Variants in TSNARE1 observed in about 807,000 individuals in gnomAD.
TSNARE1 encodes the protein t-SNARE domain-containing protein 1.
In TSNARE1, 49 loss-of-function variants were observed where a neutral mutation model predicts 62.0. The ratio of observed to expected loss-of-function variants is 0.79; its 90% confidence interval spans 0.63 to 1.00. TSNARE1 has a LOEUF of 1.00. Ranked by LOEUF, TSNARE1 falls within the 50% of genes least tolerant of loss-of-function variation. The pLI is 0.00. For missense variants in TSNARE1, 755 were observed against 700.1 expected (o/e 1.08, Z -0.88); for synonymous variants, 328 against 294.4 (o/e 1.11, Z -1.17).
intron 11 of TSNARE1, among the ~76,000 whole-genome samples, chr8:142,281,240 G>C (rs567372451): frequency 1.3e-5 from 2 of 152,228 alleles, no homozygotes; most frequent in African/African-American, 4.8e-5. Flanking sequence ...ACCAGGGGCA[G>C]CCTGGCTCTT....
At chr8:142,227,307 CTTCCTGCCCACA>C (rs1277087801) in intron 13 of TSNARE1, among the ~76,000 whole-genome samples, 14 of 145,814 alleles carry the variant, frequency 9.6e-5, no homozygotes, top group African/African-American at 3.6e-4. Context: ...CCAGGACCCC[CTTCCTGCCCACA>C]ACTCCAGTGA....
intron 6 of TSNARE1, among the ~76,000 whole-genome samples, chr8:142,320,076 C>G (rs1368306736): frequency 6.6e-6 from 1 of 152,134 alleles, no homozygotes; most frequent in Non-Finnish European, 1.5e-5. Context: ...CCCCTCCTCA[C>G]CCTGGGCTGC....
In TSNARE1 at chr8:142,229,491, C is replaced by G. The variant is rs142823138; in HGVS notation, c.1535G>C (p.Arg512Pro). 1 of 1,613,912 alleles carries G rather than the reference C, an allele frequency of 6.2e-7. No homozygotes were observed. The highest frequency in any genetic ancestry group is 8.5e-7 in the Non-Finnish European group (1 of 1,179,984). Residue 512 changes from arginine to proline, a missense_variant, in exon 13 of 14, where the codon CGA becomes CCA. Coordinates refer to ENST00000524325, the MANE Select transcript of TSNARE1 (RefSeq NM_145003.5). ...VIIIIIATSV[R>P]K ...TACTCACCACGGGTAGCATCACTTT[C>G]GGACAGAGGTGGCGATGATGATGAT... is the stretch of plus-strand genomic sequence containing the variant.
At chr8:142,243,874 G>A (rs1323692305) in intron 12 of TSNARE1, among the ~76,000 whole-genome samples, 1 of 152,088 alleles carries the variant, frequency 6.6e-6, no homozygotes, top group African/African-American at 2.4e-5. Context: ...ATGCAATTTG[G>A]CATTTGTCAA....
intron 12 of TSNARE1, among the ~76,000 whole-genome samples, chr8:142,261,537 C>G (rs1818888321): frequency 6.6e-6 from 1 of 151,980 alleles, no homozygotes; most frequent in Non-Finnish European, 1.5e-5. Flanking sequence ...AAGACTATAG[C>G]CGCTCCCACT....
intron 10 of TSNARE1, among the ~76,000 whole-genome samples, chr8:142,296,313 T>G (rs1422305412): frequency 7.2e-5 from 2 of 27,594 alleles, no homozygotes; most frequent in Non-Finnish European, 6.1e-5. Flanking sequence ...GTGACTGTCA[T>G]GGGGGAGGGG....
chr8:142,282,886 C>T (rs563691164), intron 11 of TSNARE1, among the ~76,000 whole-genome samples: 31 of 142,406 alleles, frequency 2.2e-4, no homozygotes, highest in African/African-American at 7.2e-4. Context: ...CACTGTCTGT[C>T]AATGAGCAGA....
chr8:142,374,407 G>A (rs1380827226), intron 1 of TSNARE1, among the ~76,000 whole-genome samples: 1 of 151,956 alleles, frequency 6.6e-6, no homozygotes, highest in Admixed American at 6.6e-5. Flanking sequence ...GGCTGGGTGC[G>A]GTGGCTCACG....
chr8:142,318,706 G>A (rs748318265), intron 6 of TSNARE1, 72 bp from the exon 7 acceptor site: 85 of 1,480,938 alleles, frequency 5.7e-5, no homozygotes, highest in Middle Eastern at 1.9e-4. Flanking sequence ...CCAGAAGGAC[G>A]GAGCAAGCAG....
intron 2 of TSNARE1, among the ~76,000 whole-genome samples, chr8:142,346,804 C>A (rs1833429995): frequency 6.6e-6 from 1 of 152,234 alleles, no homozygotes; most frequent in Non-Finnish European, 1.5e-5. Context: ...TTGGAAAAGG[C>A]CCTTCATACA....
intron 1 of TSNARE1, among the ~76,000 whole-genome samples, chr8:142,368,048 T>C (rs577243299): frequency 4.0e-5 from 6 of 151,132 alleles, no homozygotes; most frequent in African/African-American, 1.2e-4. Context: ...GGACTCAAAA[T>C]CAAAATACTA....
chr8:142,253,364 A>G (rs917398126), intron 12 of TSNARE1, among the ~76,000 whole-genome samples: 7 of 152,208 alleles, frequency 4.6e-5, no homozygotes, highest in Admixed American at 1.3e-4. Flanking sequence ...AAAGGCACAG[A>G]CAAGGTTCCG....
intron 1 of TSNARE1, among the ~76,000 whole-genome samples, chr8:142,368,143 A>C (rs76453853): frequency 6.6e-6 from 1 of 152,150 alleles, no homozygotes; most frequent in Non-Finnish European, 1.5e-5. Flanking sequence ...AAAAAAAAAA[A>C]GTACCCTAAG....
At chr8:142,257,018 C>T (rs1818620290) in intron 12 of TSNARE1, among the ~76,000 whole-genome samples, 1 of 152,302 alleles carries the variant, frequency 6.6e-6, no homozygotes, top group South Asian at 2.1e-4. Flanking sequence ...CCACAATTCC[C>T]CACCACTTCC....
At chr8:142,335,412 T>C (rs1270337874) in intron 4 of TSNARE1, among the ~76,000 whole-genome samples, 1 of 152,022 alleles carries the variant, frequency 6.6e-6, no homozygotes, top group Non-Finnish European at 1.5e-5. Flanking sequence ...GACACAGAAG[T>C]GCATTCCTGT....
chr8:142,317,171 A>G (rs1158657742), intron 7 of TSNARE1, among the ~76,000 whole-genome samples: 4 of 151,172 alleles, frequency 2.6e-5, no homozygotes, highest in African/African-American at 9.7e-5. Context: ...AGCGGCTCAC[A>G]CTGTACGCAT....
intron 12 of TSNARE1, among the ~76,000 whole-genome samples, chr8:142,260,696 C>T (rs867390729): frequency 2.3e-4 from 35 of 152,068 alleles, no homozygotes; most frequent in African/African-American, 8.2e-4. Context: ...AAGATCCTGA[C>T]GCCCCAGCCT....
intron 11 of TSNARE1, chr8:142,275,309 G>A (rs1384756634): frequency 1.0e-6 from 1 of 985,320 alleles, no homozygotes; most frequent in Non-Finnish European, 1.2e-6. Context: ...GGGTCTGCAA[G>A]CACAGGGCTC....
At chr8:142,262,166 G>A (rs1472318764) in intron 12 of TSNARE1, among the ~76,000 whole-genome samples, 1 of 152,192 alleles carries the variant, frequency 6.6e-6, no homozygotes. Flanking sequence ...CTTCTTCCAG[G>A]TGGCATGGCT....
Sources: allele counts gnomAD v4.1 joint callset (sites outside exome capture counted in the v4.1 genomes callset), GRCh38; gene constraint gnomAD v4.1.1; transcripts MANE v1.5; gene names NCBI Gene and HGNC (gene_info 2026-07-23, HGNC 2026-07-21).